PARD3: variants seen among roughly 807,000 people sequenced by gnomAD.
The protein encoded by PARD3 is par-3 family cell polarity regulator, also known as partitioning defective 3 homolog.
Under a neutral mutation model 155.4 loss-of-function variants are expected in PARD3, and 75 were observed. The observed-to-expected ratio is 0.48, with a 90% CI of 0.40 to 0.58. The LOEUF (loss-of-function observed/expected upper bound fraction) is 0.58, where lower values mean the gene tolerates loss of function less well. Among genes scored for constraint, PARD3 ranks in the 20% least tolerant of loss-of-function variants. The pLI is 0.00. For synonymous variants in PARD3, 576 were observed against 610.5 expected (o/e 0.94, Z 0.83); for missense variants, 1,642 against 1,721.7 (o/e 0.95, Z 0.82).
At chr10:34,619,866 G>A (rs2091523804) in intron 2 of PARD3, among the ~76,000 whole-genome samples, 1 of 152,072 alleles carries the variant, frequency 6.6e-6, no homozygotes, top group Admixed American at 6.6e-5. Context: ...CCTGACACTG[G>A]CTCTCCAGCC....
intron 12 of PARD3, among the ~76,000 whole-genome samples, chr10:34,372,066 G>A (rs114091249): frequency 0.02 from 3,073 of 152,024 alleles, 95 homozygotes; most frequent in African/African-American, 0.071. Flanking sequence ...ATACTGACAC[G>A]TCACTTTAAT....
chr10:34,629,839 A>G (rs1043207536), intron 2 of PARD3, among the ~76,000 whole-genome samples: 5 of 152,246 alleles, frequency 3.3e-5, no homozygotes, highest in Non-Finnish European at 7.3e-5. Flanking sequence ...TCTGTAGGTC[A>G]GTGGTCTACA....
At chr10:34,520,482 T>C (rs1404370064) in intron 2 of PARD3, among the ~76,000 whole-genome samples, 1 of 152,158 alleles carries the variant, frequency 6.6e-6, no homozygotes, top group African/African-American at 2.4e-5. Flanking sequence ...AACATCCATA[T>C]ATAGTAAAAT....
chr10:34,628,221 G>A (rs188505987), intron 2 of PARD3, among the ~76,000 whole-genome samples: 16 of 152,256 alleles, frequency 1.1e-4, no homozygotes, highest in African/African-American at 3.1e-4. Context: ...TAGTAATAAC[G>A]GGATGGGATG....
intron 11 of PARD3, 111 bp downstream of exon 11, chr10:34,374,763 A>T: frequency 1.0e-6 from 1 of 1,002,908 alleles, no homozygotes; most frequent in Non-Finnish European, 1.5e-6. Flanking sequence ...GAAATATAAG[A>T]TCTAGAAACT....
intron 2 of PARD3, among the ~76,000 whole-genome samples, chr10:34,598,490 G>A (rs190819026): frequency 3.3e-5 from 5 of 152,244 alleles, no homozygotes; most frequent in Admixed American, 6.5e-5. Flanking sequence ...CTGTTACACT[G>A]TAACTTTTCA....
At chr10:34,325,531 ACCCCCT>A (rs1455104604) in intron 19 of PARD3, among the ~76,000 whole-genome samples, 1 of 149,828 alleles carries the variant, frequency 6.7e-6, no homozygotes. Context: ...CTACACCACC[ACCCCCT>A]CCCCAGTGTC....
At chr10:34,490,600 A>G (rs564569682) in intron 3 of PARD3, among the ~76,000 whole-genome samples, 1 of 152,278 alleles carries the variant, frequency 6.6e-6, no homozygotes, top group East Asian at 1.9e-4. Flanking sequence ...GCCTGTCAAT[A>G]TAGTCTTGTG....
chr10:34,558,772 C>G (rs922172984), intron 2 of PARD3, among the ~76,000 whole-genome samples: 1 of 152,164 alleles, frequency 6.6e-6, no homozygotes, highest in African/African-American at 2.4e-5. Context: ...AGATCTCAAA[C>G]CCCGTCTCCA....
chr10:34,772,900 A>G (rs1839076972), intron 1 of PARD3, among the ~76,000 whole-genome samples: 1 of 152,132 alleles, frequency 6.6e-6, no homozygotes, highest in African/African-American at 2.4e-5. Flanking sequence ...CAGAACACTC[A>G]GCAGATGGAA....
intron 22 of PARD3, among the ~76,000 whole-genome samples, chr10:34,249,630 G>A (rs1263471883): frequency 3.3e-5 from 5 of 152,114 alleles, no homozygotes; most frequent in African/African-American, 4.8e-5. Context: ...TTAAAGACAG[G>A]TGCCTGGAAT....
At chr10:34,186,009 C>T (rs35017014) in intron 22 of PARD3, among the ~76,000 whole-genome samples, 4,271 of 151,878 alleles carry the variant, frequency 0.028, 88 homozygotes, top group Non-Finnish European at 0.04. Context: ...AGGAGTTGAG[C>T]GGCATGTGTA....
At chr10:34,408,269 G>A (rs184982038) in intron 5 of PARD3, among the ~76,000 whole-genome samples, 1 of 151,816 alleles carries the variant, frequency 6.6e-6, no homozygotes, top group African/African-American at 2.4e-5. Flanking sequence ...TCTGTCAAGT[G>A]TTTTTAAAAA....
intron 5 of PARD3, among the ~76,000 whole-genome samples, chr10:34,431,740 CAAAAAAAAAAAAAAA>C (rs57001926): frequency 1.6e-4 from 4 of 25,182 alleles, no homozygotes; most frequent in Non-Finnish European, 2.8e-4. Context: ...AACTCTGTCT[CAAAAAAAAAAAAAAA>C]AAAAAAAAAA....
At chr10:34,604,855 T>C (rs918830187) in intron 2 of PARD3, among the ~76,000 whole-genome samples, 7 of 151,994 alleles carry the variant, frequency 4.6e-5, no homozygotes, top group African/African-American at 1.4e-4. Flanking sequence ...TGCAATGCTA[T>C]TACTCATTAC....
chr10:34,196,927 T>C (rs1014216578), intron 22 of PARD3, among the ~76,000 whole-genome samples: 1 of 152,106 alleles, frequency 6.6e-6, no homozygotes, highest in African/African-American at 2.4e-5. Context: ...GTGCCTCCCA[T>C]GCTAATTCTT....
At chr10:34,336,090 T>TA (rs1318475551) in intron 18 of PARD3, 109 bp downstream of exon 18, 4 of 762,028 alleles carry the variant, frequency 5.2e-6, no homozygotes, top group Non-Finnish European at 9.0e-6. Flanking sequence ...AACATCTGCG[T>TA]AAGACTGGAA....
chr10:34,268,107 G>A (rs1320658089), intron 22 of PARD3, among the ~76,000 whole-genome samples: 1 of 151,806 alleles, frequency 6.6e-6, no homozygotes, highest in Non-Finnish European at 1.5e-5. Flanking sequence ...AACTCCTCAT[G>A]GTGCTTGAAC....
At chr10:34,175,557 G>C (rs199781096) in intron 22 of PARD3, among the ~76,000 whole-genome samples, 2 of 152,198 alleles carry the variant, frequency 1.3e-5, no homozygotes, top group East Asian at 3.9e-4. Flanking sequence ...TATCATCACA[G>C]TCACATAAAG....
Sources: gnomAD v4.1 joint callset for allele counts (sites outside exome capture counted in the v4.1 genomes callset) on GRCh38, gnomAD v4.1.1 for gene constraint, MANE v1.5 for transcripts, NCBI Gene and HGNC (gene_info 2026-07-23, HGNC 2026-07-21) for gene names.